SNTG2: variants seen among roughly 807,000 people sequenced by gnomAD.
The protein encoded by SNTG2 is gamma-2-syntrophin.
SNTG2 carries 74 observed loss-of-function variants against 70.9 expected under a neutral mutation model. The ratio of observed to expected loss-of-function variants is 1.04; its 90% CI spans 0.86 to 1.27. The LOEUF (loss-of-function observed/expected upper bound fraction) is 1.27. Ranked by LOEUF, SNTG2 falls within the 50% of genes most tolerant of loss-of-function variation. The probability of loss-of-function intolerance (pLI) is 0.00; values close to 1 mark genes in which losing one functional copy is unlikely to be tolerated. For missense variants in SNTG2, 717 were observed against 690.7 expected, an observed-to-expected ratio of 1.04 and a Z score of -0.43; for synonymous variants, 278 against 273.8, an observed-to-expected ratio of 1.02 and a Z score of -0.15.
At chr2:1,005,551 C>T (rs1170902775) in intron 1 of SNTG2, among the ~76,000 whole-genome samples, 2 of 151,678 alleles carry the variant, frequency 1.3e-5, no homozygotes, top group African/African-American at 4.8e-5. Context: ...CACCTGTAAT[C>T]CCAGCACTTT....
rs545532690 is a variant in SNTG2, at chr2:965,404, C to T, written c.72+14336C>T. On this transcript the variant is annotated intron_variant, in intron 1 of 16. Transcript: ENST00000308624. The stretch of plus-strand genomic sequence containing the variant: ...GGTCCCCAGTCCTCCTCCTTGGACC[C>T]TTGTTTCTCCTCCTTGATCCCTTGG... 4.7e-5 allele frequency among the ~76,000 whole-genome samples: 7 copies of T among 150,472 alleles called. No homozygotes were observed. The South Asian group carries it at 1.5e-3, about 32-fold the overall frequency.
At chr2:1,235,550 C>T (rs1328262167) in intron 9 of SNTG2, among the ~76,000 whole-genome samples, 1 of 85,782 alleles carries the variant, frequency 1.2e-5, no homozygotes, top group Non-Finnish European at 2.4e-5. Flanking sequence ...CCCTGCAGGC[C>T]CCACCAGGCA....
intron 14 of SNTG2, among the ~76,000 whole-genome samples, chr2:1,287,550 A>C (rs1679813047): frequency 6.6e-6 from 1 of 151,292 alleles, no homozygotes; most frequent in African/African-American, 2.5e-5. Flanking sequence ...CTGGTTGAGC[A>C]GGGGTGGAGA....
chr2:1,200,386 T>C (rs1284808760), intron 8 of SNTG2, among the ~76,000 whole-genome samples: 1 of 152,028 alleles, frequency 6.6e-6, no homozygotes, highest in Non-Finnish European at 1.5e-5. Context: ...ATTAAAAGCT[T>C]AAACGTGAGA....
chr2:1,355,847 A>G (rs565209003), intron 16 of SNTG2, among the ~76,000 whole-genome samples: 18 of 152,212 alleles, frequency 1.2e-4, no homozygotes, highest in Admixed American at 9.2e-4. Context: ...TCAACACGGT[A>G]TTTTCTATGT....
At chr2:1,091,479 G>A (rs1025084206) in intron 2 of SNTG2, among the ~76,000 whole-genome samples, 1 of 152,206 alleles carries the variant, frequency 6.6e-6, no homozygotes, top group Non-Finnish European at 1.5e-5. Context: ...AGACTCTGAT[G>A]CCAGGACGCA....
intron 16 of SNTG2, among the ~76,000 whole-genome samples, chr2:1,349,820 C>A (rs1660485639): frequency 6.6e-6 from 1 of 152,138 alleles, no homozygotes; most frequent in Non-Finnish European, 1.5e-5. Context: ...GTTTGTTCAT[C>A]GTGAACCTGG....
intron 14 of SNTG2, among the ~76,000 whole-genome samples, chr2:1,302,759 G>C (rs146953733): frequency 6.6e-6 from 1 of 152,132 alleles, no homozygotes; most frequent in Non-Finnish European, 1.5e-5. Context: ...TACTTCAAAG[G>C]TAACCATGTA....
intron 8 of SNTG2, among the ~76,000 whole-genome samples, chr2:1,202,507 A>G (rs1673338865): frequency 6.6e-6 from 1 of 152,186 alleles, no homozygotes; most frequent in South Asian, 2.1e-4. Context: ...AATTTGTTCA[A>G]CAGAGTAGAA....
chr2:1,259,547 T>C, intron 13 of SNTG2, 106 bp downstream of exon 13: 1 of 917,588 alleles, frequency 1.1e-6, no homozygotes, highest in East Asian at 2.5e-5. Context: ...AATAGTAAAA[T>C]TTGAAATAGT....
At chr2:1,319,917 C>T (rs1474962643) in intron 16 of SNTG2, among the ~76,000 whole-genome samples, 1 of 152,168 alleles carries the variant, frequency 6.6e-6, no homozygotes, top group Non-Finnish European at 1.5e-5. Flanking sequence ...TGAGTTGAAA[C>T]TCATAGCTAT....
intron 4 of SNTG2, among the ~76,000 whole-genome samples, chr2:1,116,820 C>G (rs1423832125): frequency 0.011 from 339 of 31,936 alleles, no homozygotes; most frequent in Admixed American, 0.013. Context: ...GTTTCCTGGT[C>G]TGTGGGTGCC....
intron 9 of SNTG2, among the ~76,000 whole-genome samples, chr2:1,228,592 G>T (rs1464297563): frequency 6.6e-6 from 1 of 152,212 alleles, no homozygotes; most frequent in African/African-American, 2.4e-5. Context: ...TTAGGAAGCT[G>T]TGGACTAAAG....
intron 1 of SNTG2, among the ~76,000 whole-genome samples, chr2:980,821 G>A (rs189714108): frequency 6.6e-6 from 1 of 152,112 alleles, no homozygotes; most frequent in African/African-American, 2.4e-5. Flanking sequence ...AGACATTAAC[G>A]GGTTAGATAA....
chr2:1,312,248 C>A (rs9678814), intron 15 of SNTG2, among the ~76,000 whole-genome samples: 57,482 of 151,872 alleles, frequency 0.38, 11,319 homozygotes, highest in Middle Eastern at 0.52. Flanking sequence ...TAAACTAGAA[C>A]ACCCCCTAGC....
intron 4 of SNTG2, among the ~76,000 whole-genome samples, chr2:1,114,826 TTG>T (rs1323403894): frequency 6.6e-6 from 1 of 152,048 alleles, no homozygotes; most frequent in Non-Finnish European, 1.5e-5. Context: ...TTGAGGAGGA[TTG>T]TGTGTACTAA....
chr2:1,302,972 G>A (rs1467082142), intron 14 of SNTG2, among the ~76,000 whole-genome samples: 5 of 151,862 alleles, frequency 3.3e-5, no homozygotes, highest in Non-Finnish European at 7.4e-5. Flanking sequence ...ACAAAACAAC[G>A]GGGCTGCAAA....
chr2:1,120,160 G>A (rs1667292274), intron 4 of SNTG2, among the ~76,000 whole-genome samples: 1 of 151,832 alleles, frequency 6.6e-6, no homozygotes, highest in African/African-American at 2.4e-5. Context: ...AATTACCTTG[G>A]ATATTCCAAA....
intron 1 of SNTG2, among the ~76,000 whole-genome samples, chr2:952,592 G>A (rs1660012751): frequency 6.6e-6 from 1 of 152,210 alleles, no homozygotes; most frequent in African/African-American, 2.4e-5. Flanking sequence ...TACAAGATGT[G>A]ATTGGCGCTT....
Sources: allele counts gnomAD v4.1 joint callset (sites outside exome capture counted in the v4.1 genomes callset), GRCh38; gene constraint gnomAD v4.1.1; transcripts MANE v1.5; gene names NCBI Gene and HGNC (gene_info 2026-07-23, HGNC 2026-07-21).